The following HOXB5 variants were observed in gnomAD, a reference collection of about 807,000 sequenced individuals.
The protein encoded by HOXB5 is homeobox B5, also known as homeobox protein Hox-B5.
HOXB5 carries 10 observed loss-of-function variants against 19.6 expected under a neutral mutation model. The ratio of observed to expected loss-of-function variants is 0.51; its 90% CI spans 0.32 to 0.87. The LOEUF is 0.87. HOXB5 is among the 40% of genes least tolerant of loss of function. HOXB5 has a pLI of 0.04. For missense variants in HOXB5, 353 were observed against 369.6 expected, an observed-to-expected ratio of 0.96 and a Z score of 0.37; for synonymous variants, 167 against 156.9, an observed-to-expected ratio of 1.06 and a Z score of -0.48.
At chr17:48,592,826 AGCAGGAC>A (rs1041766526) in intron 1 of HOXB5, among the ~76,000 whole-genome samples, 1 of 152,210 alleles carries the variant, frequency 6.6e-6, no homozygotes, top group Non-Finnish European at 1.5e-5. Flanking sequence ...TTCAGGGGTA[AGCAGGAC>A]CCTTCCCCAC....
In HOXB5 at chr17:48,591,501, T is replaced by C. The variant is rs539173269; in HGVS notation, c.*708A>G. ...GATTCACAGAGAAATACACAAGACA[T>C]TTTGCACTGAGGATCATTTTTGTTT... On this transcript the variant is annotated 3_prime_UTR_variant, in exon 2 of 2. Transcript: ENST00000239151. 1 of 152,750 alleles carries C rather than the reference T, an allele frequency of 6.5e-6. No individual in the cohort carries two copies. Among genetic ancestry groups the C allele is most frequent in the African/African-American group, 2.4e-5 (1 of 41,556 alleles). The allele number at this position is 152,750 out of a possible 1,614,324, so 9.5% of individuals were successfully genotyped here.
At chr17:48,592,703 T>G (rs1296872386) in intron 1 of HOXB5, among the ~76,000 whole-genome samples, 4 of 152,192 alleles carry the variant, frequency 2.6e-5, no homozygotes, top group Non-Finnish European at 5.9e-5. Flanking sequence ...TGCCTCACCC[T>G]TGGCTGGGCT....
chr17:48,593,055 C>A (rs1299212157), intron 1 of HOXB5, 66 bp downstream of exon 1: 6 of 550,578 alleles, frequency 1.1e-5, no homozygotes, highest in Non-Finnish European at 1.3e-5. Context: ...TCTCCTTGTC[C>A]CCCCGATCCC....
rs2070169221 is a variant in HOXB5 at position 48,592,213 on chromosome 17, G to C, written c.806C>G (p.Pro269Arg). The change falls in exon 2 of 2, where the codon CCC (proline) becomes CGC (arginine). Residue 269 changes from proline to arginine, a missense_variant. Pro to Arg is a moderately radical substitution (Grantham distance 103, BLOSUM62 -2). Transcript: ENST00000239151. ...SLATAGSAFQ[P>R] ...GCTGGGCTCCTCTGGGCGGGCTCAG[G>C]GCTGGAAGGCGCTGCCAGCTGTAGC... 6.2e-7 allele frequency: 1 copy of C among 1,613,358 alleles called. No homozygotes were observed. Among genetic ancestry groups the C allele is most frequent in the Non-Finnish European group, 8.5e-7 (1 of 1,179,814 alleles).
intron 1 of HOXB5, among the ~76,000 whole-genome samples, chr17:48,592,860 C>G (rs1029178299): frequency 6.6e-6 from 1 of 152,194 alleles, no homozygotes; most frequent in Non-Finnish European, 1.5e-5. Flanking sequence ...TGAACCCCAT[C>G]CTTTATCCTA....
chr17:48,592,570 C>T, intron 1 of HOXB5, 114 bp from the exon 2 acceptor site: 2 of 1,081,860 alleles, frequency 1.8e-6, no homozygotes, highest in Non-Finnish European at 2.6e-6. Flanking sequence ...CAGCTCACCA[C>T]AGCTCCAATC....
In HOXB5 at chr17:48,592,423, G is replaced by A. The variant is rs764859102; in HGVS notation, c.596C>T (p.Thr199Ile). The stretch of plus-strand genomic sequence containing the variant: ...CAGGGTCTGGTAGCGGGTATACGCG[G>A]TCCGGGCCCTTTTCCCGTCCGGCCC... ...MTGPDGKRAR[T>I]AYTRYQTLEL... is the part of the protein sequence containing the mutation. The change falls in exon 2 of 2, where the codon ACC becomes ATC. Residue 199 changes from threonine (T) to isoleucine (I), a missense_variant. Transcript: ENST00000239151. The A allele has an allele frequency of 1.2e-6, 2 of 1,613,742 alleles. No homozygotes were observed. The highest frequency in any genetic ancestry group is 8.5e-7 in the Non-Finnish European group (1 of 1,179,972).
At position 48,592,115 on chromosome 17, in the gene HOXB5, G is replaced by T; in HGVS notation, c.*94C>A. On this transcript the variant is annotated 3_prime_UTR_variant, in exon 2 of 2. Transcript: ENST00000239151. Reference sequence around the variant, plus strand: ...AGGCGAGGCAGGCTTGTGGGAACCGGTCCCCAGCGGGCGGCGGCAGAGCGG... The same window carrying T: ...AGGCGAGGCAGGCTTGTGGGAACCGTTCCCCAGCGGGCGGCGGCAGAGCGG... 11 of 1,439,186 alleles carry T rather than the reference G, an allele frequency of 7.6e-6. No homozygotes were observed. The highest frequency in any genetic ancestry group is 1.0e-5 in the Non-Finnish European group (11 of 1,067,106). 89.2% of individuals were successfully genotyped at this position (1,439,186 alleles called of 1,614,324 possible). A position where few individuals can be genotyped will look rare whatever the true frequency, so the allele number is the denominator to read the frequency against.
Position 48,593,472 on chromosome 17 carries a change from C to T in HOXB5, c.211G>A (p.Glu71Lys), listed in dbSNP as rs745555274. The change falls in exon 1 of 2, where the codon GAG (glutamate) becomes AAG (lysine). Residue 71 changes from glutamate (E) to lysine (K), a missense_variant. Coordinates refer to ENST00000239151, the MANE Select transcript of HOXB5 (RefSeq NM_002147.4). ...GGCGCGGGGAAGGCGCGCGAGCTCT[C>T]GCCCACCGCCCCAAAGTGGCTGGAG... ...ASSSHFGAVGESSRAFPAPAQ... is the reference protein window; with the variant it reads ...ASSSHFGAVGKSSRAFPAPAQ... The T allele has an allele frequency of 1.9e-6, 3 of 1,612,458 alleles. No homozygotes were observed. The highest frequency in any genetic ancestry group is 1.3e-5 in the African/African-American group (1 of 75,028).
chr17:48,592,096 G>C lies in HOXB5; in HGVS notation c.*113C>G, dbSNP rs547963863. The stretch of plus-strand genomic sequence containing the variant: ...AACGAAATATCGTAACACAAGGCGA[G>C]GCAGGCTTGTGGGAACCGGTCCCCA... On this transcript the variant is annotated 3_prime_UTR_variant, in exon 2 of 2. Transcript: ENST00000239151. The C allele has an allele frequency of 2.4e-6, 3 of 1,246,336 alleles. No individual in the cohort carries two copies. The highest frequency in any genetic ancestry group is 4.6e-5 in the Admixed American group (2 of 43,606). The allele number at this position is 1,246,336 out of a possible 1,614,324, so 77.2% of individuals were successfully genotyped here.
rs761215874 is a variant in HOXB5 at position 48,593,569 on chromosome 17, A to T, written c.114T>A (p.Ala38=). The change falls in exon 1 of 2, where the codon GCT becomes GCA. Residue 38 remains alanine (A), a synonymous_variant. Transcript: ENST00000239151. ...SSLSGSYRDP[A]AMHTGSYGYN... is the part of the protein sequence containing the mutation. ...AGCCGTAAGAGCCGGTGTGCATGGCAGCGGGATCCCTGTAAGAGCCGCTCA... is the reference window on the plus strand; with the variant it reads ...AGCCGTAAGAGCCGGTGTGCATGGCTGCGGGATCCCTGTAAGAGCCGCTCA... The T allele has an allele frequency of 1.5e-5, 25 of 1,612,976 alleles. No individual in the cohort carries two copies. The highest frequency in any genetic ancestry group is 6.7e-5 in the Admixed American group (4 of 59,994).
chr17:48,593,095 A>G, intron 1 of HOXB5, 26 bp downstream of exon 1: 2 of 1,074,712 alleles, frequency 1.9e-6, no homozygotes, highest in Admixed American at 2.6e-5. Context: ...GAAAGCCGAG[A>G]AGACAAAAAA....
chr17:48,593,756 TAATG>T lies in HOXB5; in HGVS notation c.-78_-75del, dbSNP rs1384495817. On this transcript the variant is annotated 5_prime_UTR_variant, in exon 1 of 2. Coordinates refer to ENST00000239151, the MANE Select transcript of HOXB5 (RefSeq NM_002147.4). The stretch of plus-strand genomic sequence containing the variant: ...CTGTGCTTCACGATTTATGATGTAT[TAATG>T]AATTATAGCGATGCACTGTACTTCG... The T allele has an allele frequency of 2.1e-5, 25 of 1,188,166 alleles. No homozygotes were observed. Among genetic ancestry groups the T allele is most frequent in the Non-Finnish European group, 2.8e-5 (24 of 865,032 alleles). 73.6% of individuals were successfully genotyped at this position (1,188,166 alleles called of 1,614,324 possible). A position where few individuals can be genotyped will look rare whatever the true frequency, so the allele number is the denominator to read the frequency against.
In HOXB5 at chr17:48,591,423, G is replaced by A. The variant is rs1207654712; in HGVS notation, c.*786C>T. The A allele has an allele frequency of 6.5e-6, 1 of 152,692 alleles. No homozygotes were observed. The allele number at this position is 152,692 out of a possible 1,614,324, so 9.5% of individuals were successfully genotyped here. A position where few individuals can be genotyped will look rare whatever the true frequency, so the allele number is the denominator to read the frequency against. ...AGATGGGTAAGGGAGAGATGGGTCT[G>A]ACCCAGACTATCCCCATATTTACAA... On this transcript the variant is annotated 3_prime_UTR_variant, in exon 2 of 2. Transcript: ENST00000239151.
chr17:48,593,584 A>G lies in HOXB5; in HGVS notation c.99T>C (p.Ser33=), dbSNP rs1348681840. 4 of 1,613,094 alleles carry G rather than the reference A, an allele frequency of 2.5e-6. No homozygotes were observed. Among genetic ancestry groups the G allele is most frequent in the East Asian group, 2.2e-5 (1 of 44,868 alleles). Residue 33 remains serine (S), a synonymous_variant, in exon 1 of 2, where the codon TCT becomes TCC. Coordinates refer to ENST00000239151, the MANE Select transcript of HOXB5 (RefSeq NM_002147.4). ...TGTGCATGGCAGCGGGATCCCTGTAAGAGCCGCTCAGAGAGCTGCCACTGC... is the reference window on the plus strand; with the variant it reads ...TGTGCATGGCAGCGGGATCCCTGTAGGAGCCGCTCAGAGAGCTGCCACTGC... ...NYGSGSSLSG[S]YRDPAAMHTG...
In HOXB5 at chr17:48,592,053, C is replaced by T. The variant is rs1040884639; in HGVS notation, c.*156G>A. The T allele has an allele frequency of 9.2e-5, 64 of 694,198 alleles. No individual in the cohort carries two copies. In the Admixed American group the frequency reaches 1.8e-3, roughly 20 times the overall value. The allele number at this position is 694,198 out of a possible 1,614,324, so 43.0% of individuals were successfully genotyped here. A position where few individuals can be genotyped will look rare whatever the true frequency, so the allele number is the denominator to read the frequency against. On this transcript the variant is annotated 3_prime_UTR_variant, in exon 2 of 2. Coordinates refer to ENST00000239151, the MANE Select transcript of HOXB5 (RefSeq NM_002147.4). ...AACCAGTCCAGGAGAGAGGGAGCCA[C>T]AGGAAGACCTAAGACCAAACGAAAT...
In HOXB5 at chr17:48,592,159, G is replaced by C. The variant is rs778609691; in HGVS notation, c.*50C>G. On this transcript the variant is annotated 3_prime_UTR_variant, in exon 2 of 2. Transcript: ENST00000239151. Reference sequence around the variant, plus strand: ...AGAGCGGGGAGGATTGGAGGGGCCAGGGCTGGGGGTGGCACGGGCTCTTGG... The same window carrying C: ...AGAGCGGGGAGGATTGGAGGGGCCACGGCTGGGGGTGGCACGGGCTCTTGG... The C allele has an allele frequency of 1.3e-6, 2 of 1,591,264 alleles. No homozygotes were observed. The highest frequency in any genetic ancestry group is 1.7e-5 in the Admixed American group (1 of 59,170).
chr17:48,593,053 T>TTG, intron 1 of HOXB5, 68 bp downstream of exon 1: 30 of 621,556 alleles, frequency 4.8e-5, no homozygotes, highest in Non-Finnish European at 6.6e-5. Context: ...GCTCTCCTTG[T>TTG]CCCCCCGATC....
Position 48,593,152 on chromosome 17 carries a change from G to A in HOXB5, c.531C>T (p.Phe177=). The A allele has an allele frequency of 1.3e-6, 2 of 1,571,940 alleles. No individual in the cohort carries two copies. The highest frequency in any genetic ancestry group is 1.7e-6 in the Non-Finnish European group (2 of 1,156,084). Reference sequence around the variant, plus strand: ...TGATGTGAAGCTTCCTCATCCAGGGGAATATTTGCGGAGTCTGCCCCTCGG... The same window carrying A: ...TGATGTGAAGCTTCCTCATCCAGGGAAATATTTGCGGAGTCTGCCCCTCGG... The part of the protein sequence containing the change: ...AAPEGQTPQI[F]PWMRKLHISH... Residue 177 remains phenylalanine (F), a synonymous_variant, in exon 1 of 2, where the codon TTC becomes TTT. Transcript: ENST00000239151.
Sources: allele counts gnomAD v4.1 joint callset (sites outside exome capture counted in the v4.1 genomes callset), GRCh38; gene constraint gnomAD v4.1.1; transcripts MANE v1.5; gene names NCBI Gene and HGNC (gene_info 2026-07-23, HGNC 2026-07-21).